The following GRID2 variants were observed in gnomAD, a reference collection of about 807,000 sequenced individuals.
The protein encoded by GRID2 is glutamate receptor ionotropic, delta-2.
Under a neutral mutation model 114.8 loss-of-function variants are expected in GRID2, and 33 were observed. The ratio of observed to expected loss-of-function variants is 0.29; its 90% confidence interval spans 0.22 to 0.38. The LOEUF (loss-of-function observed/expected upper bound fraction) is 0.38. Among genes scored for constraint, GRID2 ranks in the 10% least tolerant of loss-of-function variants. GRID2 has a pLI of 1.00. For missense variants in GRID2, 1,184 were observed against 1,257.7 expected (o/e 0.94, Z 0.89); for synonymous variants, 505 against 449.9 (o/e 1.12, Z -1.55).
chr4:92,884,836 G>T (rs180841067), intron 2 of GRID2: 2 of 361,364 alleles, frequency 5.5e-6, no homozygotes, highest in Admixed American at 3.6e-5. Context: ...TGCTTTATGT[G>T]AAAAGAATTA....
intron 14 of GRID2, among the ~76,000 whole-genome samples, chr4:93,736,697 G>A (rs1410002089): frequency 1.3e-5 from 2 of 151,820 alleles, no homozygotes; most frequent in South Asian, 4.2e-4. Context: ...TATTATTTTA[G>A]AAGCGATAGT....
intron 2 of GRID2, among the ~76,000 whole-genome samples, chr4:92,601,948 C>T (rs1251112246): frequency 2.2e-4 from 33 of 151,532 alleles, no homozygotes; most frequent in Non-Finnish European, 3.2e-4. Context: ...TACCCCCTCG[C>T]AAGACTGAAC....
intron 2 of GRID2, among the ~76,000 whole-genome samples, chr4:92,974,968 T>C (rs1446071784): frequency 1.3e-5 from 2 of 151,452 alleles, no homozygotes; most frequent in Non-Finnish European, 3.0e-5. Flanking sequence ...CCATCCTGGC[T>C]AACACGGTGA....
At chr4:92,494,369 G>T (rs533143559) in intron 1 of GRID2, among the ~76,000 whole-genome samples, 1 of 151,960 alleles carries the variant, frequency 6.6e-6, no homozygotes, top group East Asian at 1.9e-4. Context: ...GTATAAAGGA[G>T]GGAATTTTAT....
intron 2 of GRID2, among the ~76,000 whole-genome samples, chr4:92,627,648 A>G (rs983044041): frequency 4.6e-5 from 7 of 152,132 alleles, no homozygotes; most frequent in Admixed American, 3.9e-4. Flanking sequence ...CTAATTCTTT[A>G]TACAATAAAA....
At chr4:92,344,511 A>C (rs1453367115) in intron 1 of GRID2, among the ~76,000 whole-genome samples, 1 of 152,224 alleles carries the variant, frequency 6.6e-6, no homozygotes, top group Non-Finnish European at 1.5e-5. Flanking sequence ...GGCTCAAAAC[A>C]AGAAGATTTA....
Position 92,479,121 on chromosome 4 carries a change from T to G in GRID2, c.89-111010T>G, listed in dbSNP as rs747155083. Among the ~76,000 whole-genome samples the G allele has an allele frequency of 3.3e-5, 5 of 152,094 alleles. No individual in the cohort carries two copies. In the South Asian group the frequency reaches 8.3e-4, roughly 25 times the overall value. On this transcript the variant is annotated intron_variant, in intron 1 of 15. Transcript: ENST00000282020. ...ATTTGTGGTTATTGATAAAGATATA[T>G]TTAACAATGTAGTGATTTCAGAAAA... is the stretch of plus-strand genomic sequence containing the variant.
intron 4 of GRID2, among the ~76,000 whole-genome samples, chr4:93,153,066 A>G (rs532180160): frequency 6.6e-6 from 1 of 152,274 alleles, no homozygotes; most frequent in Admixed American, 6.5e-5. Context: ...CCCCAAAGTG[A>G]TTGAATATTC....
intron 1 of GRID2, among the ~76,000 whole-genome samples, chr4:92,426,127 C>T (rs1009774282): frequency 2.6e-5 from 4 of 152,076 alleles, no homozygotes; most frequent in Non-Finnish European, 4.4e-5. Flanking sequence ...ACTTGTACTT[C>T]ATACATCTCT....
exon 2 of GRID2, chr4:93,809,852 T>C (rs1054982707): frequency 6.6e-6 from 1 of 152,200 alleles, no homozygotes; most frequent in East Asian, 1.9e-4. Context: ...CAGTGTCTTA[T>C]ATTGTAGTTT....
At chr4:92,955,533 T>C (rs1447661750) in intron 2 of GRID2, among the ~76,000 whole-genome samples, 3 of 151,988 alleles carry the variant, frequency 2.0e-5, no homozygotes, top group Non-Finnish European at 4.4e-5. Context: ...GTCAGATGAG[T>C]AGGTTGTGAA....
At chr4:92,868,066 T>TTCTG (rs1194588659) in intron 2 of GRID2, among the ~76,000 whole-genome samples, 1,582 of 123,208 alleles carry the variant, frequency 0.013, 34 homozygotes, top group South Asian at 0.018. Flanking sequence ...CTTTCTTTCT[T>TTCTG]TCTGTCTGTC....
chr4:93,027,812 G>A (rs1193192409), intron 2 of GRID2, among the ~76,000 whole-genome samples: 4 of 151,830 alleles, frequency 2.6e-5, no homozygotes, highest in Non-Finnish European at 5.9e-5. Flanking sequence ...ATTTTTCCAT[G>A]GCAGGTTGTT....
chr4:93,185,741 T>G (rs2149440904), intron 4 of GRID2, among the ~76,000 whole-genome samples: 1 of 152,318 alleles, frequency 6.6e-6, no homozygotes, highest in Admixed American at 6.5e-5. Flanking sequence ...GATTAAAGAA[T>G]ACACACCAAT....
At chr4:92,447,666 C>T (rs1479086107) in intron 1 of GRID2, among the ~76,000 whole-genome samples, 1 of 152,186 alleles carries the variant, frequency 6.6e-6, no homozygotes, top group Non-Finnish European at 1.5e-5. Context: ...GCTGAGAAGT[C>T]CAAAATCACA....
At chr4:92,944,221 G>A (rs1212766978) in intron 2 of GRID2, among the ~76,000 whole-genome samples, 2 of 152,156 alleles carry the variant, frequency 1.3e-5, no homozygotes, top group Non-Finnish European at 2.9e-5. Context: ...GAGCTGTGGT[G>A]GGCTCCACCC....
chr4:93,177,146 C>G (rs1739419972), intron 4 of GRID2, among the ~76,000 whole-genome samples: 1 of 152,106 alleles, frequency 6.6e-6, no homozygotes. Context: ...CAAGATCATT[C>G]AGATTATGAA....
At chr4:93,785,118 A>C (rs1734566189) in intron 1 of GRID2, among the ~76,000 whole-genome samples, 1 of 152,230 alleles carries the variant, frequency 6.6e-6, no homozygotes, top group East Asian at 1.9e-4. Flanking sequence ...AAGATCAGAT[A>C]GTTTGGCTGG....
chr4:93,158,375 C>T (rs1349529218), intron 4 of GRID2, among the ~76,000 whole-genome samples: 1 of 151,670 alleles, frequency 6.6e-6, no homozygotes, highest in Non-Finnish European at 1.5e-5. Context: ...TCCAATAGTA[C>T]CATTATCTAA....
Sources: allele counts gnomAD v4.1 joint callset (sites outside exome capture counted in the v4.1 genomes callset), GRCh38; gene constraint gnomAD v4.1.1; transcripts MANE v1.5; gene names NCBI Gene and HGNC (gene_info 2026-07-23, HGNC 2026-07-21).